The following MYT1L variants were observed in gnomAD, a reference collection of about 807,000 sequenced individuals.
MYT1L encodes myelin transcription factor 1 like, also known as myelin transcription factor 1-like protein.
In MYT1L, 12 loss-of-function variants were observed where a neutral mutation model predicts 126.7. The ratio of observed to expected loss-of-function variants is 0.09; its 90% confidence interval spans 0.06 to 0.15. The LOEUF is 0.15. MYT1L is among the 10% of genes least tolerant of loss of function. The pLI is 1.00. For synonymous variants in MYT1L, 541 were observed against 604.2 expected (o/e 0.90, Z 1.53); for missense variants, 979 against 1,585.2 (o/e 0.62, Z 6.49).
At chr2:1,939,985 C>T (rs1218780086) in intron 9 of MYT1L, among the ~76,000 whole-genome samples, 1 of 152,248 alleles carries the variant, frequency 6.6e-6, no homozygotes, top group African/African-American at 2.4e-5. Context: ...CCTTCGGTGT[C>T]CCTCCAGAGA....
chr2:2,168,250 C>T (rs879297858), intron 3 of MYT1L, among the ~76,000 whole-genome samples: 6 of 152,064 alleles, frequency 3.9e-5, no homozygotes, highest in Non-Finnish European at 7.3e-5. Flanking sequence ...GTAAAAAAGA[C>T]GGAAGTTTGT....
chr2:2,015,675 G>C (rs756914870), intron 4 of MYT1L, among the ~76,000 whole-genome samples: 15 of 152,158 alleles, frequency 9.9e-5, no homozygotes, highest in Non-Finnish European at 1.8e-4. Context: ...GGAAACAAAG[G>C]TGGAAGGAGA....
chr2:1,854,352 G>A (rs910942181), intron 18 of MYT1L, among the ~76,000 whole-genome samples: 1 of 152,070 alleles, frequency 6.6e-6, no homozygotes, highest in South Asian at 2.1e-4. Flanking sequence ...ATGTGATTAT[G>A]TAAAGAGATT....
intron 1 of MYT1L, among the ~76,000 whole-genome samples, chr2:2,297,541 A>C (rs2095713872): frequency 6.6e-6 from 1 of 152,196 alleles, no homozygotes; most frequent in Admixed American, 6.5e-5. Context: ...CTTATTTCAT[A>C]CATAAAACCC....
At chr2:1,830,417 C>T (rs2039979455) in intron 21 of MYT1L, among the ~76,000 whole-genome samples, 1 of 152,138 alleles carries the variant, frequency 6.6e-6, no homozygotes, top group African/African-American at 2.4e-5. Flanking sequence ...TCCTGAACAG[C>T]CTCCACTGAC....
At chr2:1,928,687 A>G (rs1229278959) in intron 9 of MYT1L, among the ~76,000 whole-genome samples, 1 of 151,706 alleles carries the variant, frequency 6.6e-6, no homozygotes, top group Non-Finnish European at 1.5e-5. Context: ...TTCTCCTTTC[A>G]ATACTCTGCA....
At chr2:1,866,075 G>A (rs989195817) in intron 18 of MYT1L, among the ~76,000 whole-genome samples, 4 of 152,304 alleles carry the variant, frequency 2.6e-5, no homozygotes, top group Admixed American at 2.0e-4. Context: ...TGAAAGGTGC[G>A]AAAGGAAGTT....
chr2:1,934,187 G>GATAGA (rs2055458208), intron 9 of MYT1L, among the ~76,000 whole-genome samples: 1 of 151,200 alleles, frequency 6.6e-6, no homozygotes, highest in African/African-American at 2.4e-5. Context: ...TGTTAGCCAG[G>GATAGA]ATGGTCTCGA....
intron 3 of MYT1L, among the ~76,000 whole-genome samples, chr2:2,068,542 C>G (rs2074158176): frequency 6.6e-6 from 1 of 152,102 alleles, no homozygotes. Flanking sequence ...TCATTTAAAT[C>G]CTCAATAAAT....
chr2:2,181,059 C>T (rs2091441097), intron 2 of MYT1L, among the ~76,000 whole-genome samples: 1 of 143,470 alleles, frequency 7.0e-6, no homozygotes, highest in Non-Finnish European at 1.5e-5. Context: ...CACCTGTAAC[C>T]GTACCTGTGT....
intron 3 of MYT1L, among the ~76,000 whole-genome samples, chr2:2,104,592 A>G (rs1199508942): frequency 2.0e-5 from 3 of 152,246 alleles, no homozygotes; most frequent in Non-Finnish European, 2.9e-5. Flanking sequence ...CCAGAGAGGC[A>G]TCCCTGACCT....
intron 2 of MYT1L, among the ~76,000 whole-genome samples, chr2:2,282,403 A>G (rs1343506025): frequency 6.6e-6 from 1 of 152,224 alleles, no homozygotes; most frequent in Non-Finnish European, 1.5e-5. Flanking sequence ...GGTTGAATTT[A>G]TGAATTTATG....
intron 21 of MYT1L, among the ~76,000 whole-genome samples, chr2:1,822,357 A>G (rs2038665356): frequency 6.6e-6 from 1 of 152,242 alleles, no homozygotes; most frequent in Admixed American, 6.5e-5. Flanking sequence ...AGGATTCCCA[A>G]TAGAGATGCC....
intron 4 of MYT1L, among the ~76,000 whole-genome samples, chr2:2,000,612 C>G (rs1450289372): frequency 6.6e-6 from 1 of 152,116 alleles, no homozygotes; most frequent in Non-Finnish European, 1.5e-5. Context: ...ACAGCCGACT[C>G]CACATGACCT....
intron 3 of MYT1L, among the ~76,000 whole-genome samples, chr2:2,130,473 T>C (rs1437305037): frequency 6.6e-6 from 1 of 152,174 alleles, no homozygotes; most frequent in Non-Finnish European, 1.5e-5. Context: ...TCCAGGTGTG[T>C]GTGCACAAAC....
At chr2:1,881,353 T>TGTGTGTG (rs1344449685) in intron 18 of MYT1L, among the ~76,000 whole-genome samples, 13 of 132,778 alleles carry the variant, frequency 9.8e-5, no homozygotes, top group African/African-American at 3.4e-4. Flanking sequence ...GGTTTGCAGG[T>TGTGTGTG]TCGTGTGTGT....
chr2:2,100,459 A>G (rs1002662982), intron 3 of MYT1L, among the ~76,000 whole-genome samples: 4 of 152,110 alleles, frequency 2.6e-5, no homozygotes, highest in African/African-American at 9.7e-5. Flanking sequence ...AGAGGCCCAC[A>G]TATTACTGAT....
rs112512696 is a variant in MYT1L, at chr2:2,193,126, C to T, written c.-420-20138G>A. Among the ~76,000 whole-genome samples, 1,513 of 152,066 alleles carry T rather than the reference C, an allele frequency of 9.9e-3. 26 individuals carry two copies. The highest frequency in any genetic ancestry group is 0.031 in the African/African-American group (1,273 of 41,484). On this transcript the variant is annotated intron_variant, in intron 2 of 24. Transcript: ENST00000647738. ...CCAAGTAGCTGGGATTATAGGTGCC[C>T]ACCACCACGCCTGGCTATTTTTTAT...
intron 1 of MYT1L, chr2:2,303,636 G>C (rs1332544948): frequency 2.6e-5 from 4 of 152,202 alleles, no homozygotes. Context: ...GGCCCCACTG[G>C]ATAGAGCACA....
Sources: gnomAD v4.1 joint callset for allele counts (sites outside exome capture counted in the v4.1 genomes callset) on GRCh38, gnomAD v4.1.1 for gene constraint, MANE v1.5 for transcripts, NCBI Gene and HGNC (gene_info 2026-07-23, HGNC 2026-07-21) for gene names.